ZFHX4: variants seen among roughly 807,000 people sequenced by gnomAD.
The protein encoded by ZFHX4 is zinc finger homeobox protein 4.
ZFHX4 carries 56 observed loss-of-function variants against 267.6 expected under a neutral mutation model. That is an observed-to-expected ratio of 0.21 (90% CI 0.17 to 0.26). ZFHX4 has a LOEUF of 0.26. Ranked by LOEUF, ZFHX4 falls within the 10% of genes least tolerant of loss-of-function variation. The pLI is 1.00. For synonymous variants in ZFHX4, 1,778 were observed against 1,665.6 expected (o/e 1.07, Z -1.64); for missense variants, 4,332 against 4,420.0 (o/e 0.98, Z 0.56).
In ZFHX4 at chr8:76,811,231, G is replaced by A. The variant is rs77132449; in HGVS notation, c.3326-22107G>A. On this transcript the variant is annotated intron_variant, in intron 4 of 10. Transcript: ENST00000651372. ...CAGTTTTTCTGCCTCTGTGAGGAGA[G>A]TAGTCCTTAGGGCCCCTGCTGGTAT... Among the ~76,000 whole-genome samples the A allele has an allele frequency of 3.9e-3, 587 of 152,302 alleles. 5 individuals carry two copies. Among genetic ancestry groups the A allele is most frequent in the African/African-American group, 0.011 (460 of 41,566 alleles).
Position 76,726,232 on chromosome 8 carries a change from T to C in ZFHX4, c.3093+18184T>C, listed in dbSNP as rs149806359. Among the ~76,000 whole-genome samples, 1,162 of 152,270 alleles carry C rather than the reference T, an allele frequency of 7.6e-3. 46 individuals are homozygous for C. The highest frequency in any genetic ancestry group is 0.055 in the Admixed American group (845 of 15,270). ...TTTCAAATAAAATGATTTTACTGCT[T>C]TGTTAAAATGGACATTTGTAATGCA... On this transcript the variant is annotated intron_variant, in intron 3 of 10. Coordinates refer to ENST00000651372, the MANE Select transcript of ZFHX4 (RefSeq NM_024721.5).
At chr8:76,693,416 C>T (rs1399311856) in intron 1 of ZFHX4, 1 of 152,088 alleles carries the variant, frequency 6.6e-6, no homozygotes, top group East Asian at 1.9e-4. Flanking sequence ...ATAGCACAAT[C>T]CCCTTGTTTA....
chr8:76,690,429 G>A (rs192817254), intron 1 of ZFHX4, among the ~76,000 whole-genome samples: 9 of 152,044 alleles, frequency 5.9e-5, no homozygotes, highest in Non-Finnish European at 1.0e-4. Flanking sequence ...AAGTTTTTGA[G>A]GAATCTTAAA....
At chr8:76,745,494 T>C (rs868067744) in intron 3 of ZFHX4, among the ~76,000 whole-genome samples, 4 of 152,174 alleles carry the variant, frequency 2.6e-5, no homozygotes, top group African/African-American at 7.2e-5. Flanking sequence ...TACTTGTTTT[T>C]TTCTTTTTCA....
At chr8:76,848,923 T>TG in intron 6 of ZFHX4, 72 bp from the exon 7 acceptor site, 1 of 1,397,600 alleles carries the variant, frequency 7.2e-7, no homozygotes, top group Non-Finnish European at 9.4e-7. Flanking sequence ...CGCAAATGTT[T>TG]GAAAAACATA....
chr8:76,751,498 G>C (rs755648289), intron 3 of ZFHX4, among the ~76,000 whole-genome samples: 4 of 152,178 alleles, frequency 2.6e-5, no homozygotes, highest in Admixed American at 6.5e-5. Context: ...TGATCAGAGA[G>C]GGCAGGCCAG....
chr8:76,695,852 A>G (rs1332205322), intron 1 of ZFHX4, among the ~76,000 whole-genome samples: 1 of 152,178 alleles, frequency 6.6e-6, no homozygotes, highest in Non-Finnish European at 1.5e-5. Flanking sequence ...TTATCATTGC[A>G]TGTCATTTGA....
At chr8:76,752,727 T>C (rs189905858) in intron 3 of ZFHX4, among the ~76,000 whole-genome samples, 89 of 152,104 alleles carry the variant, frequency 5.9e-4, no homozygotes, top group Non-Finnish European at 1.1e-3. Context: ...CCCCCACATT[T>C]AGCAGTACAT....
At position 76,848,976 on chromosome 8, in the gene ZFHX4, T is replaced by A; in HGVS notation, c.3512-19T>A. 1 of 1,505,272 alleles carries A rather than the reference T, an allele frequency of 6.6e-7. No homozygotes were observed. The highest frequency in any genetic ancestry group is 1.3e-5 in the South Asian group (1 of 76,742). 93.2% of individuals were successfully genotyped at this position (1,505,272 alleles called of 1,614,324 possible). ...ATTGTGTTTTTAAATTGAATTGTTC[T>A]ATTCTTTTTGGGAATCAGGGATAAT... On this transcript the variant is annotated intron_variant, in intron 6 of 10. Coordinates refer to ENST00000651372, the MANE Select transcript of ZFHX4 (RefSeq NM_024721.5).
In ZFHX4 at chr8:76,705,341, C is replaced by T. The variant is rs764771219; in HGVS notation, c.1253C>T (p.Thr418Ile). Residue 418 changes from threonine (T) to isoleucine (I), a missense_variant, in exon 2 of 11, where the codon ACC (threonine) becomes ATC (isoleucine). Thr to Ile is a moderately conservative substitution (Grantham distance 89). Transcript: ENST00000651372. ...LGGLSSLVVNTPITSVSLSHS... is the reference protein window; with the variant it reads ...LGGLSSLVVNIPITSVSLSHS... ...GGGCTGTCTAGTTTAGTAGTGAACACCCCAATTACCTCTGTCTCCCTCAGC... is the reference window on the plus strand; with the variant it reads ...GGGCTGTCTAGTTTAGTAGTGAACATCCCAATTACCTCTGTCTCCCTCAGC... 1 of 1,613,930 alleles carries T rather than the reference C, an allele frequency of 6.2e-7. No homozygotes were observed. The highest frequency in any genetic ancestry group is 8.5e-7 in the Non-Finnish European group (1 of 1,179,880).
rs766609959 is a variant in ZFHX4 at position 76,850,879 on chromosome 8, C to T, written c.3965-7C>T. 64 of 1,572,698 alleles carry T rather than the reference C, an allele frequency of 4.1e-5. No homozygotes were observed. Among genetic ancestry groups the T allele is most frequent in the Non-Finnish European group, 5.3e-5 (62 of 1,162,794 alleles). The stretch of plus-strand genomic sequence containing the variant: ...GTAAGAGAGATGTTTGTGCTTTTTC[C>T]TAATAGGTGAAAGTCCAATGGATGA... On this transcript the variant is annotated splice_region_variant and splice_polypyrimidine_tract_variant and intron_variant, in intron 9 of 10. Transcript: ENST00000651372.
In ZFHX4 at chr8:76,707,731, A is replaced by G; in HGVS notation, c.2776A>G (p.Ser926Gly). Residue 926 changes from serine (S) to glycine (G), a missense_variant, in exon 3 of 11, where the codon AGT (serine) becomes GGT (glycine). Ser to Gly is a moderately conservative substitution (Grantham distance 56, BLOSUM62 0). Coordinates refer to ENST00000651372, the MANE Select transcript of ZFHX4 (RefSeq NM_024721.5). ...GGAGGCCCTAAGTGTGCATGTGAGCAGTGAGCGCTCTCTCCCTGAAGAGGA... is the reference window on the plus strand; with the variant it reads ...GGAGGCCCTAAGTGTGCATGTGAGCGGTGAGCGCTCTCTCCCTGAAGAGGA... ...SLEALSVHVS[S>G]ERSLPEEEWR... is the part of the protein sequence containing the mutation. The G allele has an allele frequency of 6.2e-7, 1 of 1,613,896 alleles. No homozygotes were observed.
Position 76,763,138 on chromosome 8 carries a change from G to A in ZFHX4, c.3094-15070G>A, listed in dbSNP as rs150570440. Among the ~76,000 whole-genome samples, 298 of 152,198 alleles carry A rather than the reference G, an allele frequency of 2.0e-3. 2 individuals carry two copies. The highest frequency in any genetic ancestry group is 6.8e-3 in the African/African-American group (283 of 41,540). On this transcript the variant is annotated intron_variant, in intron 3 of 10. Coordinates refer to ENST00000651372, the MANE Select transcript of ZFHX4 (RefSeq NM_024721.5). ...TGTTTTCTCTTTCTTCTATGCCACC[G>A]TCCCATAACAGGGCCTCAGCTTTGC...
At position 76,859,857 on chromosome 8, in the gene ZFHX4, G is replaced by A. The variant is rs574362846; in HGVS notation, c.9380-3237G>A. The stretch of plus-strand genomic sequence containing the variant: ...GAGAAAATGAACTACATATGAGTGC[G>A]TTAAGAAGCAGGCATTTTCTTCTGA... On this transcript the variant is annotated intron_variant, in intron 10 of 10. Transcript: ENST00000651372. 3.2e-4 allele frequency among the ~76,000 whole-genome samples: 48 copies of A among 152,188 alleles called. 1 individual carries two copies. The highest frequency in any genetic ancestry group is 1.1e-3 in the African/African-American group (44 of 41,552).
At chr8:76,703,945 T>C (rs778518311) in intron 1 of ZFHX4, 98 bp from the exon 2 acceptor site, 19 of 861,866 alleles carry the variant, frequency 2.2e-5, no homozygotes, top group Non-Finnish European at 3.2e-5. Context: ...CCTTTTTAGA[T>C]AGTCACGTTT....
intron 3 of ZFHX4, among the ~76,000 whole-genome samples, chr8:76,709,668 A>C (rs944272021): frequency 6.6e-6 from 1 of 152,088 alleles, no homozygotes; most frequent in Non-Finnish European, 1.5e-5. Context: ...TAAATGTATA[A>C]ATTTTCTATT....
intron 4 of ZFHX4, among the ~76,000 whole-genome samples, chr8:76,822,932 T>C (rs1811691906): frequency 6.6e-6 from 1 of 152,196 alleles, no homozygotes; most frequent in Admixed American, 6.5e-5. Context: ...TTCCAAGATC[T>C]AGTCCCATAA....
chr8:76,813,710 G>A (rs1169407094), intron 4 of ZFHX4, among the ~76,000 whole-genome samples: 1 of 152,014 alleles, frequency 6.6e-6, no homozygotes, highest in African/African-American at 2.4e-5. Context: ...TGTTCTCCTG[G>A]TAATCTACAC....
chr8:76,706,895 G>C (rs1403563733), intron 2 of ZFHX4, among the ~76,000 whole-genome samples: 2 of 152,206 alleles, frequency 1.3e-5, no homozygotes, highest in Non-Finnish European at 2.9e-5. Flanking sequence ...GGCGGCATCA[G>C]CGAAGTTAGC....
Sources: gnomAD v4.1 joint callset for allele counts (sites outside exome capture counted in the v4.1 genomes callset) on GRCh38, gnomAD v4.1.1 for gene constraint, MANE v1.5 for transcripts, NCBI Gene and HGNC (gene_info 2026-07-23, HGNC 2026-07-21) for gene names.